RUNX1: variants seen among roughly 807,000 people sequenced by gnomAD.
The protein encoded by RUNX1 is RUNX family transcription factor 1, also known as runt-related transcription factor 1.
A neutral mutation model predicts 42.8 loss-of-function variants in RUNX1; 19 were observed. That is an observed-to-expected ratio of 0.44 (90% CI 0.31 to 0.65). The LOEUF (loss-of-function observed/expected upper bound fraction) is 0.65, where lower values mean the gene tolerates loss of function less well. Ranked by LOEUF, RUNX1 falls within the 30% of genes least tolerant of loss-of-function variation. RUNX1 has a pLI of 0.07. For missense variants in RUNX1, 528 were observed against 672.0 expected, an observed-to-expected ratio of 0.79 and a Z score of 2.37; for synonymous variants, 271 against 289.4, an observed-to-expected ratio of 0.94 and a Z score of 0.64.
chr21:34,996,481 T>C, intron 2 of RUNX1, among the ~76,000 whole-genome samples: 1 of 152,202 alleles, frequency 6.6e-6, no homozygotes, highest in East Asian at 1.9e-4. Context: ...CTTTTGTGTC[T>C]CTTTCTCAAA....
intron 2 of RUNX1, among the ~76,000 whole-genome samples, chr21:35,013,553 A>C (rs146823567): frequency 6.6e-6 from 1 of 152,340 alleles, no homozygotes; most frequent in Non-Finnish European, 1.5e-5. Context: ...AATGAAAAAA[A>C]ATAATAAAAC....
At chr21:34,969,457 G>T (rs1012678526) in intron 2 of RUNX1, among the ~76,000 whole-genome samples, 1 of 152,120 alleles carries the variant, frequency 6.6e-6, no homozygotes, top group Non-Finnish European at 1.5e-5. Flanking sequence ...AGGAAGAAAA[G>T]ATGAAACGTG....
At position 34,789,737 on chromosome 21, in the gene RUNX1, T is replaced by A. The variant is rs756129360; in HGVS notation, c.*2398A>T. 29 of 233,242 alleles carry A rather than the reference T, an allele frequency of 1.2e-4. No homozygotes were observed. Among genetic ancestry groups the A allele is most frequent in the Non-Finnish European group, 1.9e-4 (23 of 118,054 alleles). The allele number at this position is 233,242 out of a possible 1,614,324, so 14.4% of individuals were successfully genotyped here. ...GTGAAACTCTAAATGACCAATCCAG[T>A]GAGCCTACAATAGTGACAAGCCCCC... On this transcript the variant is annotated 3_prime_UTR_variant, in exon 9 of 9. Coordinates refer to ENST00000675419, the MANE Select transcript of RUNX1 (RefSeq NM_001754.5).
At chr21:34,851,553 T>G (rs774887884) in intron 6 of RUNX1, among the ~76,000 whole-genome samples, 53 of 152,270 alleles carry the variant, frequency 3.5e-4, no homozygotes, top group South Asian at 8.3e-4. Flanking sequence ...TTTACATGTT[T>G]GAAGCTTAAG....
intron 2 of RUNX1, among the ~76,000 whole-genome samples, chr21:34,989,142 G>A (rs1468672450): frequency 6.6e-6 from 1 of 151,962 alleles, no homozygotes; most frequent in East Asian, 1.9e-4. Flanking sequence ...CTGAGTAGCT[G>A]AGATTACAGG....
At chr21:35,048,335 TGGTGCAAGGCTA>T (rs1353314537) in intron 2 of RUNX1, among the ~76,000 whole-genome samples, 7 of 152,254 alleles carry the variant, frequency 4.6e-5, no homozygotes, top group African/African-American at 1.7e-4. Flanking sequence ...GTCCCCAGGC[TGGTGCAAGGCTA>T]TCTGAGAGCC....
chr21:34,884,026 G>C (rs1301730378), intron 4 of RUNX1, among the ~76,000 whole-genome samples: 1 of 152,152 alleles, frequency 6.6e-6, no homozygotes, highest in Admixed American at 6.5e-5. Flanking sequence ...TTACGTCTTT[G>C]GACTCTGGTG....
chr21:34,910,669 C>T (rs1235400141), intron 2 of RUNX1, among the ~76,000 whole-genome samples: 1 of 152,210 alleles, frequency 6.6e-6, no homozygotes, highest in East Asian at 1.9e-4. Context: ...CAGCCTCAGT[C>T]CTCATCCAGG....
At chr21:34,842,236 T>A (rs2057247325) in intron 6 of RUNX1, among the ~76,000 whole-genome samples, 1 of 152,176 alleles carries the variant, frequency 6.6e-6, no homozygotes, top group African/African-American at 2.4e-5. Context: ...GCCTGATGGC[T>A]CATCCCAGCA....
At chr21:34,994,717 T>C (rs528142342) in intron 2 of RUNX1, among the ~76,000 whole-genome samples, 2 of 152,358 alleles carry the variant, frequency 1.3e-5, no homozygotes, top group Admixed American at 6.5e-5. Context: ...TCTATTATCT[T>C]CTTCTACTGA....
intron 2 of RUNX1, among the ~76,000 whole-genome samples, chr21:34,982,931 C>T (rs941658017): frequency 2.0e-5 from 3 of 152,176 alleles, no homozygotes; most frequent in African/African-American, 4.8e-5. Flanking sequence ...GTCTTATAAC[C>T]GTTAGGTGGT....
intron 2 of RUNX1, among the ~76,000 whole-genome samples, chr21:35,022,772 G>A (rs1363576276): frequency 4.6e-5 from 7 of 151,822 alleles, no homozygotes; most frequent in Admixed American, 2.0e-4. Flanking sequence ...GCGGGTGCCC[G>A]TAATCCCGGC....
rs187907065 is a variant in RUNX1, at chr21:34,845,409, C to G, written c.614-10808G>C. ...CCCCCTCCTCAATCCTTTCCCGATT[C>G]GAAAGGTACACAACTTCCCCCTGGC... On this transcript the variant is annotated intron_variant, in intron 6 of 8. Coordinates refer to ENST00000675419, the MANE Select transcript of RUNX1 (RefSeq NM_001754.5). Among the ~76,000 whole-genome samples the G allele has an allele frequency of 4.6e-3, 695 of 152,316 alleles. 4 individuals carry two copies. Among genetic ancestry groups the G allele is most frequent in the Non-Finnish European group, 7.9e-3 (540 of 68,016 alleles).
At chr21:34,939,561 C>G in intron 2 of RUNX1, among the ~76,000 whole-genome samples, 1 of 152,198 alleles carries the variant, frequency 6.6e-6, no homozygotes, top group East Asian at 1.9e-4. Flanking sequence ...GCCCTCTAGT[C>G]TCAGTCTTGA....
chr21:34,936,733 T>C lies in RUNX1; in HGVS notation c.59-43770A>G, dbSNP rs114848290. On this transcript the variant is annotated intron_variant, in intron 2 of 8. Transcript: ENST00000675419. ...CATGGGTGCAGTCTGCTTGCTGTAA[T>C]TGCCGGCTGGAGTGGAAAAGAAAAG... 5.9e-3 allele frequency among the ~76,000 whole-genome samples: 895 copies of C among 152,326 alleles called. 5 individuals are homozygous for C. Among genetic ancestry groups the C allele is most frequent in the African/African-American group, 0.021 (856 of 41,584 alleles).
intron 7 of RUNX1, 144 bp downstream of exon 7, chr21:34,834,266 G>T: frequency 1.2e-6 from 1 of 831,738 alleles, no homozygotes. Context: ...ACAGCTCCCA[G>T]GTGGTGCTGT....
intron 2 of RUNX1, among the ~76,000 whole-genome samples, chr21:35,007,131 T>A (rs977108867): frequency 2.0e-5 from 3 of 152,110 alleles, no homozygotes; most frequent in Non-Finnish European, 2.9e-5. Context: ...CATTAATAAT[T>A]TTTATATAGA....
chr21:34,835,399 T>C (rs986301763), intron 6 of RUNX1, among the ~76,000 whole-genome samples: 1 of 151,814 alleles, frequency 6.6e-6, no homozygotes, highest in African/African-American at 2.4e-5. Context: ...ACTGGTGGGA[T>C]GGGATGATGG....
intron 5 of RUNX1, among the ~76,000 whole-genome samples, chr21:34,869,511 C>T (rs926012043): frequency 2.0e-5 from 3 of 152,128 alleles, no homozygotes; most frequent in African/African-American, 4.8e-5. Context: ...ACAATGGGTT[C>T]GGTGTAATCT....
Sources: gnomAD v4.1 joint callset for allele counts (sites outside exome capture counted in the v4.1 genomes callset) on GRCh38, gnomAD v4.1.1 for gene constraint, MANE v1.5 for transcripts, NCBI Gene and HGNC (gene_info 2026-07-23, HGNC 2026-07-21) for gene names.